PCSK5: variants seen among roughly 807,000 people sequenced by gnomAD.
PCSK5 encodes proprotein convertase subtilisin/kexin type 5.
In PCSK5, 129 loss-of-function variants were observed where a neutral mutation model predicts 233.2. The observed-to-expected ratio is 0.55, with a 90% CI of 0.48 to 0.64. The LOEUF is 0.64. PCSK5 is among the 30% of genes least tolerant of loss of function. PCSK5 has a pLI of 0.00. For synonymous variants in PCSK5, 825 were observed against 879.2 expected, an observed-to-expected ratio of 0.94 and a Z score of 1.09; for missense variants, 2,076 against 2,430.1, an observed-to-expected ratio of 0.85 and a Z score of 3.06.
intron 25 of PCSK5, among the ~76,000 whole-genome samples, 171 bp downstream of exon 25, chr9:76,292,446 T>C (rs1828308317): frequency 6.6e-6 from 1 of 152,192 alleles, no homozygotes; most frequent in Admixed American, 6.5e-5. Context: ...CCCAGCTGTT[T>C]CCTTGCCTCG....
chr9:76,054,963 A>G (rs893477919), intron 5 of PCSK5, among the ~76,000 whole-genome samples: 1 of 152,284 alleles, frequency 6.6e-6, no homozygotes, highest in African/African-American at 2.4e-5. Context: ...ATAGTGATCT[A>G]TTATTACTCA....
At chr9:75,894,967 GAACA>G (rs1199425483) in intron 1 of PCSK5, among the ~76,000 whole-genome samples, 6 of 152,326 alleles carry the variant, frequency 3.9e-5, no homozygotes, top group Non-Finnish European at 7.4e-5. Flanking sequence ...GATCCCTTGT[GAACA>G]AACAGATTGT....
chr9:76,102,183 C>CT (rs140792452), intron 8 of PCSK5, among the ~76,000 whole-genome samples: 4,264 of 152,064 alleles, frequency 0.028, 201 homozygotes, highest in African/African-American at 0.095. Context: ...TGTAACTCAG[C>CT]TTTTTTTTCT....
chr9:75,932,553 AG>A, intron 2 of PCSK5, 70 bp downstream of exon 2: 1 of 879,880 alleles, frequency 1.1e-6, no homozygotes, highest in Non-Finnish European at 1.9e-6. Flanking sequence ...ATAACACACT[AG>A]GGGCTGAGGA....
chr9:76,279,963 G>A (rs1257936303), intron 24 of PCSK5, among the ~76,000 whole-genome samples: 1 of 151,908 alleles, frequency 6.6e-6, no homozygotes, highest in East Asian at 1.9e-4. Flanking sequence ...ATTGCTTTTG[G>A]TGTTTTAGAC....
chr9:76,100,990 A>G lies in PCSK5; in HGVS notation c.1107+4888A>G, dbSNP rs148991102. On this transcript the variant is annotated intron_variant, in intron 8 of 37. Transcript: ENST00000674117. ...TTTGTCTCCTCTCAAATTTCACCTC[A>G]AAGAGGATTTTCTTCATCACCTTTT... Among the ~76,000 whole-genome samples, 608 of 152,140 alleles carry G rather than the reference A, an allele frequency of 4.0e-3. 6 individuals carry two copies. The highest frequency in any genetic ancestry group is 0.014 in the African/African-American group (572 of 41,486).
chr9:76,327,944 A>G, intron 32 of PCSK5, 65 bp from the exon 33 acceptor site: 3 of 954,768 alleles, frequency 3.1e-6, no homozygotes, highest in Non-Finnish European at 3.4e-6. Flanking sequence ...TCCCAGGGGA[A>G]GCCATTCCCA....
At chr9:76,034,890 GC>G (rs1458729999) in intron 5 of PCSK5, among the ~76,000 whole-genome samples, 1 of 152,150 alleles carries the variant, frequency 6.6e-6, no homozygotes, top group Non-Finnish European at 1.5e-5. Flanking sequence ...AGATGAGTGA[GC>G]AAAATGTGTC....
At chr9:76,231,967 T>TTCCA (rs1772682037) in intron 21 of PCSK5, among the ~76,000 whole-genome samples, 2 of 152,052 alleles carry the variant, frequency 1.3e-5, no homozygotes, top group Admixed American at 6.5e-5. Flanking sequence ...TCGGCTTGAA[T>TTCCA]CCCATTCTGC....
chr9:75,913,581 T>C (rs941177691), intron 1 of PCSK5, among the ~76,000 whole-genome samples: 1 of 152,204 alleles, frequency 6.6e-6, no homozygotes, highest in African/African-American at 2.4e-5. Context: ...ATGAGATACC[T>C]TCCAATGAGT....
intron 13 of PCSK5, among the ~76,000 whole-genome samples, chr9:76,173,971 A>G (rs1455269819): frequency 6.6e-6 from 1 of 152,044 alleles, no homozygotes; most frequent in Non-Finnish European, 1.5e-5. Flanking sequence ...GAAATCAAAA[A>G]AAAAGAAAGA....
intron 35 of PCSK5, among the ~76,000 whole-genome samples, chr9:76,341,670 G>T (rs936164464): frequency 2.0e-5 from 3 of 152,058 alleles, no homozygotes; most frequent in African/African-American, 7.2e-5. Flanking sequence ...GAAATATTTT[G>T]GTTTTGGTTC....
chr9:75,902,560 A>G (rs190270202), intron 1 of PCSK5, among the ~76,000 whole-genome samples: 1 of 152,218 alleles, frequency 6.6e-6, no homozygotes, highest in African/African-American at 2.4e-5. Context: ...GTTCTGCTCA[A>G]TGATAAGGTC....
Position 76,310,229 on chromosome 9 carries a change from T to C in PCSK5, c.3689-427T>C, listed in dbSNP as rs867438167. Among the ~76,000 whole-genome samples the C allele has an allele frequency of 2.7e-5, 4 of 145,722 alleles. No individual in the cohort carries two copies. The South Asian group carries it at 8.6e-4, about 31-fold the overall frequency. ...CACCAGTGCACTCCAGCCTGGGAGA[T>C]AGAGCAAGACTCCTTCTCAAAAAAA... On this transcript the variant is annotated intron_variant, in intron 29 of 37. Coordinates refer to ENST00000674117, the MANE Select transcript of PCSK5 (RefSeq NM_001372043.1).
At chr9:76,320,546 T>C (rs1657431166) in intron 30 of PCSK5, among the ~76,000 whole-genome samples, 1 of 135,454 alleles carries the variant, frequency 7.4e-6, no homozygotes, top group Non-Finnish European at 1.6e-5. Flanking sequence ...CAATCTTGGC[T>C]CACCTCAACC....
intron 10 of PCSK5, among the ~76,000 whole-genome samples, chr9:76,155,695 A>G (rs985830561): frequency 2.6e-5 from 4 of 152,216 alleles, no homozygotes; most frequent in Admixed American, 2.6e-4. Context: ...TTAATTAGTT[A>G]CCAGAGTAGA....
intron 24 of PCSK5, among the ~76,000 whole-genome samples, chr9:76,272,391 T>C (rs1264275120): frequency 2.6e-5 from 4 of 152,042 alleles, no homozygotes; most frequent in Non-Finnish European, 5.9e-5. Flanking sequence ...ATCCACTCTC[T>C]CCTCTAATAA....
chr9:76,335,428 G>A (rs567300967), intron 34 of PCSK5, among the ~76,000 whole-genome samples: 1 of 152,280 alleles, frequency 6.6e-6, no homozygotes, highest in South Asian at 2.1e-4. Flanking sequence ...CATAACCCTT[G>A]TATGTTAAAT....
At chr9:75,908,875 TTATC>T (rs58985562) in intron 1 of PCSK5, among the ~76,000 whole-genome samples, 11,614 of 116,072 alleles carry the variant, frequency 0.1, 613 homozygotes, top group Non-Finnish European at 0.12. Flanking sequence ...CTCTTTCTAT[TTATC>T]TATCTATCTA....
Sources: allele counts gnomAD v4.1 joint callset (sites outside exome capture counted in the v4.1 genomes callset), GRCh38; gene constraint gnomAD v4.1.1; transcripts MANE v1.5; gene names NCBI Gene and HGNC (gene_info 2026-07-23, HGNC 2026-07-21).